Variants in PLS1 observed in about 807,000 individuals in gnomAD.
PLS1 encodes plastin 1.
PLS1 carries 32 observed loss-of-function variants against 73.7 expected under a neutral mutation model. The ratio of observed to expected loss-of-function variants is 0.43; its 90% CI spans 0.33 to 0.58. PLS1 has a LOEUF of 0.58. Ranked by LOEUF, PLS1 falls within the 20% of genes least tolerant of loss-of-function variation. PLS1 has a pLI of 0.04. For missense variants in PLS1, 633 were observed against 740.5 expected, an observed-to-expected ratio of 0.85 and a Z score of 1.68; for synonymous variants, 217 against 261.3, an observed-to-expected ratio of 0.83 and a Z score of 1.63.
chr3:142,704,940 G>A (rs1460415013), intron 14 of PLS1, among the ~76,000 whole-genome samples: 1 of 151,542 alleles, frequency 6.6e-6, no homozygotes, highest in African/African-American at 2.4e-5. Context: ...TTACAGGCAT[G>A]AGCTACCACG....
intron 1 of PLS1, among the ~76,000 whole-genome samples, chr3:142,618,147 C>G (rs971508499): frequency 2.6e-5 from 4 of 152,136 alleles, no homozygotes; most frequent in Non-Finnish European, 5.9e-5. Flanking sequence ...TCTTTTTAAG[C>G]TCCTACACTA....
At chr3:142,621,102 T>C (rs901651266) in intron 1 of PLS1, among the ~76,000 whole-genome samples, 7 of 152,210 alleles carry the variant, frequency 4.6e-5, no homozygotes, top group African/African-American at 1.7e-4. Context: ...CATATCTTTT[T>C]CTACATAGTT....
At chr3:142,683,724 G>A (rs1191095535) in intron 6 of PLS1, among the ~76,000 whole-genome samples, 1 of 152,104 alleles carries the variant, frequency 6.6e-6, no homozygotes, top group Non-Finnish European at 1.5e-5. Flanking sequence ...TGAGGTATTG[G>A]CAGAACATCC....
chr3:142,696,038 C>T (rs2038191047), intron 11 of PLS1, among the ~76,000 whole-genome samples: 1 of 152,192 alleles, frequency 6.6e-6, no homozygotes, highest in Non-Finnish European at 1.5e-5. Flanking sequence ...AGGTGATCTG[C>T]CTGCCTCGGC....
At chr3:142,616,954 A>C (rs149006397) in intron 1 of PLS1, among the ~76,000 whole-genome samples, 6 of 152,070 alleles carry the variant, frequency 3.9e-5, no homozygotes, top group Admixed American at 6.6e-5. Context: ...AGATTATTCA[A>C]ATTGCTTTGT....
chr3:142,671,557 T>C (rs557722009), intron 4 of PLS1, among the ~76,000 whole-genome samples: 72 of 152,176 alleles, frequency 4.7e-4, no homozygotes, highest in African/African-American at 1.7e-3. Context: ...TTTTCTGAGA[T>C]CTGAGATACC....
intron 1 of PLS1, among the ~76,000 whole-genome samples, chr3:142,650,796 A>C (rs1389109494): frequency 1.3e-5 from 2 of 152,228 alleles, no homozygotes; most frequent in African/African-American, 4.8e-5. Context: ...GGACTTGGGT[A>C]ATACTCATGT....
intron 8 of PLS1, among the ~76,000 whole-genome samples, chr3:142,685,824 A>G (rs1334310855): frequency 6.6e-6 from 1 of 152,204 alleles, no homozygotes; most frequent in African/African-American, 2.4e-5. Context: ...ATGCATGGGG[A>G]AGAACTATAT....
chr3:142,609,658 A>T (rs1225665317), intron 1 of PLS1, among the ~76,000 whole-genome samples: 1 of 152,226 alleles, frequency 6.6e-6, no homozygotes, highest in East Asian at 1.9e-4. Flanking sequence ...AGAAAAGTGG[A>T]CTGAATATTT....
rs144634616 is a variant in PLS1, at chr3:142,688,521, T to G, written c.982-1097T>G. ...ACTAAAACTTTGACGTGACATTTTCTGTACAGTTCTTCCCTATCCCACCTC... is the reference window on the plus strand; with the variant it reads ...ACTAAAACTTTGACGTGACATTTTCGGTACAGTTCTTCCCTATCCCACCTC... On this transcript the variant is annotated intron_variant, in intron 9 of 15. Transcript: ENST00000457734. Among the ~76,000 whole-genome samples the G allele has an allele frequency of 5.9e-5, 9 of 152,370 alleles. 1 individual carries two copies. The highest frequency in any genetic ancestry group is 2.2e-4 in the African/African-American group (9 of 41,590).
chr3:142,655,705 A>G (rs1417078466), intron 1 of PLS1, among the ~76,000 whole-genome samples: 1 of 148,470 alleles, frequency 6.7e-6, no homozygotes, highest in Non-Finnish European at 1.5e-5. Flanking sequence ...CTGGGCAACA[A>G]GAACAAAATT....
intron 10 of PLS1, 130 bp from the exon 11 acceptor site, chr3:142,694,339 A>G: frequency 2.0e-6 from 1 of 491,922 alleles, no homozygotes; most frequent in Non-Finnish European, 3.6e-6. Flanking sequence ...TCTCCCTTTA[A>G]AGAAACTGTA....
chr3:142,664,379 C>T, intron 2 of PLS1, 72 bp downstream of exon 2: 1 of 760,642 alleles, frequency 1.3e-6, no homozygotes, highest in Non-Finnish European at 2.2e-6. Context: ...GGAAAAATAC[C>T]TTTTATTTCA....
In PLS1 at chr3:142,614,947, G is replaced by T. The variant is rs1173237065; in HGVS notation, c.-37+18438G>T. On this transcript the variant is annotated intron_variant, in intron 1 of 15. Coordinates refer to ENST00000457734, the MANE Select transcript of PLS1 (RefSeq NM_001145319.2). The stretch of plus-strand genomic sequence containing the variant: ...GTGGGGCTGGGCAGTGGTGAGGCAA[G>T]CCTGGCTATACTACGGGTCTCAAGG... Among the ~76,000 whole-genome samples the T allele has an allele frequency of 2.0e-5, 3 of 152,178 alleles. No individual in the cohort carries two copies. The East Asian group carries it at 5.8e-4, about 29-fold the overall frequency.
intron 6 of PLS1, among the ~76,000 whole-genome samples, chr3:142,679,941 T>C (rs2037812880): frequency 6.6e-6 from 1 of 152,084 alleles, no homozygotes; most frequent in Non-Finnish European, 1.5e-5. Context: ...GTATCCTCTT[T>C]TATTTCATTG....
intron 1 of PLS1, among the ~76,000 whole-genome samples, chr3:142,614,695 A>C (rs62278462): frequency 0.071 from 10,875 of 152,164 alleles, 561 homozygotes; most frequent in Middle Eastern, 0.17. Flanking sequence ...AGAGGCTCTT[A>C]GTTTGGTGAA....
At chr3:142,614,200 G>A (rs1479386790) in intron 1 of PLS1, among the ~76,000 whole-genome samples, 3 of 152,202 alleles carry the variant, frequency 2.0e-5, no homozygotes, top group East Asian at 1.9e-4. Context: ...GCAACCACCA[G>A]CTGAGGAGGA....
At chr3:142,682,249 C>T (rs2037870861) in intron 6 of PLS1, among the ~76,000 whole-genome samples, 1 of 152,170 alleles carries the variant, frequency 6.6e-6, no homozygotes, top group African/African-American at 2.4e-5. Flanking sequence ...AGAGTATAAA[C>T]TGTCATTGAT....
At chr3:142,604,837 AGGC>A (rs2108538204) in intron 1 of PLS1, among the ~76,000 whole-genome samples, 1 of 152,006 alleles carries the variant, frequency 6.6e-6, no homozygotes, top group African/African-American at 2.4e-5. Context: ...CAGGAGACTG[AGGC>A]AGGAGAATGG....
Sources: allele counts gnomAD v4.1 joint callset (sites outside exome capture counted in the v4.1 genomes callset), GRCh38; gene constraint gnomAD v4.1.1; transcripts MANE v1.5; gene names NCBI Gene and HGNC (gene_info 2026-07-23, HGNC 2026-07-21).